The following MAPK11 variants were observed in gnomAD, a reference collection of about 807,000 sequenced individuals.
MAPK11 encodes mitogen-activated protein kinase 11.
Under a neutral mutation model 52.2 loss-of-function variants are expected in MAPK11, and 44 were observed. That is an observed-to-expected ratio of 0.84 (90% confidence interval 0.66 to 1.08). The LOEUF (loss-of-function observed/expected upper bound fraction) is 1.08, where lower values mean the gene tolerates loss of function less well. MAPK11 is among the 50% of genes least tolerant of loss of function. The pLI, the probability that MAPK11 is intolerant of heterozygous loss-of-function variation, is 0.00. For synonymous variants in MAPK11, 233 were observed against 206.3 expected, an observed-to-expected ratio of 1.13 and a Z score of -1.11; for missense variants, 436 against 494.7, an observed-to-expected ratio of 0.88 and a Z score of 1.13.
chr22:50,268,067 C>G (rs1352070810), intron 1 of MAPK11, 118 bp from the exon 2 acceptor site: 2 of 1,136,354 alleles, frequency 1.8e-6, no homozygotes, highest in Non-Finnish European at 2.3e-6. Context: ...TGGGGCTTTT[C>G]TGCCCCGGCC....
Position 50,267,636 on chromosome 22 carries a change from C to CG in MAPK11, c.247-10dup, listed in dbSNP as rs774341030. 4.6e-6 allele frequency: 7 copies of CG among 1,533,896 alleles called. No individual in the cohort carries two copies. The highest frequency in any genetic ancestry group is 4.1e-5 in the African/African-American group (3 of 72,376). On this transcript the variant is annotated splice_polypyrimidine_tract_variant and intron_variant, in intron 2 of 11. Coordinates refer to ENST00000330651, the MANE Select transcript of MAPK11 (RefSeq NM_002751.7). ...TCCAGAAGCCCGATGACCTAGGTGG[C>CG]GGGGGGCGTCAGGGCCGGGCGACGA...
chr22:50,265,322 C>T lies in MAPK11; in HGVS notation c.1014G>A (p.Lys338=), dbSNP rs760993249. 2.5e-6 allele frequency: 4 copies of T among 1,612,958 alleles called. No homozygotes were observed. The highest frequency in any genetic ancestry group is 3.3e-5 in the Admixed American group (2 of 60,024). Residue 338 remains lysine, a splice_region_variant and synonymous_variant, in exon 11 of 12, where the codon AAG becomes AAA. Coordinates refer to ENST00000330651, the MANE Select transcript of MAPK11 (RefSeq NM_002751.7). ...ACCCCCAGCCACTGCCATGCTCACC[C>T]TTCCACTCCTCCAGCGTGCGCTCCT... is the stretch of plus-strand genomic sequence containing the variant. The part of the protein sequence containing the change: ...EAKERTLEEW[K]ELTYQEVLSF...
intron 11 of MAPK11, 136 bp downstream of exon 11, chr22:50,265,185 C>T (rs1475640350): frequency 3.2e-5 from 42 of 1,324,230 alleles, no homozygotes; most frequent in South Asian, 6.6e-5. Context: ...TCCTCCGCCC[C>T]GCTCCCAGCC....
In MAPK11 at chr22:50,269,008, G is replaced by A. The variant is rs866428704; in HGVS notation, c.117-1059C>T. 2.0e-5 allele frequency among the ~76,000 whole-genome samples: 3 copies of A among 152,158 alleles called. 1 individual carries two copies. The highest frequency in any genetic ancestry group is 2.1e-4 in the South Asian group (1 of 4,836). On this transcript the variant is annotated intron_variant, in intron 1 of 11. Coordinates refer to ENST00000330651, the MANE Select transcript of MAPK11 (RefSeq NM_002751.7). Reference sequence around the variant, plus strand: ...TGGCACCTGGCCCGCAGCCTTGGCAGTGGAACTAAGAAAATGGGCCAGGGG... The same window carrying A: ...TGGCACCTGGCCCGCAGCCTTGGCAATGGAACTAAGAAAATGGGCCAGGGG...
In MAPK11 at chr22:50,265,379, C is replaced by T; in HGVS notation, c.957G>A (p.Glu319=). Residue 319 remains glutamate, a synonymous_variant, in exon 11 of 12, where the codon GAG becomes GAA. Coordinates refer to ENST00000330651, the MANE Select transcript of MAPK11 (RefSeq NM_002751.7). ...SQYHDPEDEP[E]AEPYDESVEA... is the part of the protein sequence containing the mutation. ...CAACGCTCTCATCATATGGCTCGGC[C>T]TCTGGCTCATCCTCGGGGTCGTGGT... 2.5e-6 allele frequency: 4 copies of T among 1,613,164 alleles called. No individual in the cohort carries two copies. The highest frequency in any genetic ancestry group is 1.6e-4 in the Middle Eastern group (1 of 6,062).
chr22:50,265,739 GC>G, intron 9 of MAPK11, 79 bp from the exon 10 acceptor site: 1 of 882,800 alleles, frequency 1.1e-6, no homozygotes, highest in Non-Finnish European at 1.8e-6. Flanking sequence ...CTCTTGGCAA[GC>G]CCCCAGACTC....
At chr22:50,268,075 G>C in intron 1 of MAPK11, 126 bp from the exon 2 acceptor site, 49 of 938,160 alleles carry the variant, frequency 5.2e-5, no homozygotes, top group East Asian at 1.9e-4. Flanking sequence ...TTCTGCCCCG[G>C]CCCCGCCGCC....
chr22:50,270,364 C>T lies in MAPK11; in HGVS notation c.-72G>A, dbSNP rs1165358957. 1.2e-4 allele frequency: 61 copies of T among 505,380 alleles called. No homozygotes were observed. The highest frequency in any genetic ancestry group is 1.5e-4 in the Non-Finnish European group (59 of 388,468). 31.3% of individuals were successfully genotyped at this position (505,380 alleles called of 1,614,324 possible). Reference sequence around the variant, plus strand: ...GCCCGCGCCCGAGCCGAGCCCGAGCCGAGCGGAGCGGAGGGCGGCGGAGGC... The same window carrying T: ...GCCCGCGCCCGAGCCGAGCCCGAGCTGAGCGGAGCGGAGGGCGGCGGAGGC... On this transcript the variant is annotated 5_prime_UTR_variant, in exon 1 of 12. Transcript: ENST00000330651. The surrounding 1 kb of genome is among the most constrained non-coding windows in gnomAD (Gnocchi z 6.3).
chr22:50,268,090 C>G, intron 1 of MAPK11, 141 bp from the exon 2 acceptor site: 1 of 1,044,386 alleles, frequency 9.6e-7, no homozygotes. Flanking sequence ...GCCGCCCCAG[C>G]TCGGCCTCCC....
At chr22:50,267,339 C>T in intron 4 of MAPK11, 32 bp downstream of exon 4, 4 of 1,587,202 alleles carry the variant, frequency 2.5e-6, no homozygotes, top group Non-Finnish European at 3.4e-6. Flanking sequence ...CGCCCCCCTG[C>T]GAGAGGACCC....
chr22:50,266,678 G>A, intron 7 of MAPK11, 67 bp from the exon 8 acceptor site: 1 of 1,463,344 alleles, frequency 6.8e-7, no homozygotes, highest in Non-Finnish European at 9.5e-7. Context: ...GAGACCCACA[G>A]TCACATCCAG....
chr22:50,264,597 A>C lies in MAPK11; in HGVS notation c.*351T>G, dbSNP rs200439537. On this transcript the variant is annotated 3_prime_UTR_variant, in exon 12 of 12. Transcript: ENST00000330651. ...GGACAGAAGAGAGCCCAAGGCTGAC[A>C]CTCCCTTGGGTCGGCCTGGGACAGA... is the stretch of plus-strand genomic sequence containing the variant. 2.5e-5 allele frequency: 5 copies of C among 200,362 alleles called. No homozygotes were observed. The highest frequency in any genetic ancestry group is 5.1e-5 in the Non-Finnish European group (5 of 97,368). The allele number at this position is 200,362 out of a possible 1,614,324, so 12.4% of individuals were successfully genotyped here.
Position 50,270,342 on chromosome 22 carries a change from C to G in MAPK11, c.-50G>C. The G allele has an allele frequency of 1.3e-6, 1 of 798,750 alleles. No homozygotes were observed. Among genetic ancestry groups the G allele is most frequent in the Non-Finnish European group, 1.6e-6 (1 of 635,158 alleles). The allele number at this position is 798,750 out of a possible 1,614,324, so 49.5% of individuals were successfully genotyped here. On this transcript the variant is annotated 5_prime_UTR_variant, in exon 1 of 12. Transcript: ENST00000330651. This position sits in a 1 kb window ranked among gnomAD's most constrained non-coding sequence, Gnocchi z 6.3. ...CGGGCCCAGCCCCGCGCCCCGCGCC[C>G]GCGCCCGAGCCGAGCCCGAGCCGAG... is the stretch of plus-strand genomic sequence containing the variant.
At chr22:50,266,806 G>A (rs1311440925) in intron 7 of MAPK11, 128 bp downstream of exon 7, 5 of 1,031,634 alleles carry the variant, frequency 4.8e-6, no homozygotes, top group Non-Finnish European at 5.9e-6. Context: ...GCCTCTGAAG[G>A]GCTACTTTTG....
chr22:50,264,890 G>C lies in MAPK11; in HGVS notation c.*58C>G. ...GCCTCTCGAGGAAACCAGGCCAGCT[G>C]TGGAAGGGTGCAGGCCCAAGCCCCT... On this transcript the variant is annotated 3_prime_UTR_variant, in exon 12 of 12. Coordinates refer to ENST00000330651, the MANE Select transcript of MAPK11 (RefSeq NM_002751.7). The C allele has an allele frequency of 7.1e-7, 1 of 1,416,452 alleles. No individual in the cohort carries two copies. Among genetic ancestry groups the C allele is most frequent in the South Asian group, 1.2e-5 (1 of 82,084 alleles). 87.7% of individuals were successfully genotyped at this position (1,416,452 alleles called of 1,614,324 possible).
chr22:50,266,139 C>G lies in MAPK11; in HGVS notation c.762+87G>C, dbSNP rs142107539. ...CCACATCCCATGTTCCCCATATGGT[C>G]CCCGCATTTCCACACCACCCTCTCC... On this transcript the variant is annotated intron_variant, in intron 9 of 11. Coordinates refer to ENST00000330651, the MANE Select transcript of MAPK11 (RefSeq NM_002751.7). The G allele has an allele frequency of 3.0e-4, 328 of 1,090,050 alleles. 3 individuals are homozygous for G. In the East Asian group the frequency reaches 8.3e-3, roughly 28 times the overall value. 67.5% of individuals were successfully genotyped at this position (1,090,050 alleles called of 1,614,324 possible). A position where few individuals can be genotyped will look rare whatever the true frequency, so the allele number is the denominator to read the frequency against.
At position 50,265,429 on chromosome 22, in the gene MAPK11, G is replaced by C; in HGVS notation, c.907C>G (p.Leu303Val). 1 of 1,613,202 alleles carries C rather than the reference G, an allele frequency of 6.2e-7. No homozygotes were observed. The highest frequency in any genetic ancestry group is 8.5e-7 in the Non-Finnish European group (1 of 1,180,014). ...SDQRVSAAEALAHAYFSQYHD... is the reference protein window; with the variant it reads ...SDQRVSAAEAVAHAYFSQYHD... The stretch of plus-strand genomic sequence containing the variant: ...TACTGGCTGAAGTAGGCGTGGGCCA[G>C]TGCCTCAGCTGCACTGACCCTCTGG... The change falls in exon 11 of 12, where the codon CTG becomes GTG. Residue 303 changes from leucine (L) to valine (V), a missense_variant. Leu to Val is a conservative substitution (Grantham distance 32, BLOSUM62 1). Transcript: ENST00000330651.
intron 1 of MAPK11, among the ~76,000 whole-genome samples, chr22:50,269,427 G>A (rs527944229): frequency 6.6e-6 from 1 of 152,336 alleles, no homozygotes; most frequent in East Asian, 1.9e-4. Flanking sequence ...GCAGCTAAGC[G>A]GCATTGGCCA....
chr22:50,269,678 G>GA (rs1239205478), intron 1 of MAPK11, among the ~76,000 whole-genome samples: 1 of 152,200 alleles, frequency 6.6e-6, no homozygotes, highest in East Asian at 1.9e-4. Flanking sequence ...TTTGTGGTCT[G>GA]AGGGGGAGTC....
Sources: gnomAD v4.1 joint callset for allele counts (sites outside exome capture counted in the v4.1 genomes callset) on GRCh38, gnomAD v4.1.1 for gene constraint, Gnocchi (gnomAD v3.1) non-coding constraint, MANE v1.5 for transcripts, NCBI Gene and HGNC (gene_info 2026-07-23, HGNC 2026-07-21) for gene names.